The following CUX2 variants were observed in gnomAD, a reference collection of about 807,000 sequenced individuals.
The protein encoded by CUX2 is cut like homeobox 2.
A neutral mutation model predicts 144.8 loss-of-function variants in CUX2; 40 were observed. The ratio of observed to expected loss-of-function variants is 0.28; its 90% CI spans 0.21 to 0.36. The LOEUF (loss-of-function observed/expected upper bound fraction) is 0.36, where lower values mean the gene tolerates loss of function less well. CUX2 is among the 10% of genes least tolerant of loss of function. The probability of loss-of-function intolerance (pLI) is 1.00; values close to 1 mark genes in which losing one functional copy is unlikely to be tolerated. For synonymous variants in CUX2, 827 were observed against 875.6 expected, an observed-to-expected ratio of 0.94 and a Z score of 0.98; for missense variants, 1,615 against 1,994.0, an observed-to-expected ratio of 0.81 and a Z score of 3.62.
chr12:111,087,648 T>C (rs1872318120), intron 1 of CUX2, among the ~76,000 whole-genome samples: 1 of 152,182 alleles, frequency 6.6e-6, no homozygotes, highest in Admixed American at 6.5e-5. Flanking sequence ...GTTCAGTCAT[T>C]TTGTTTTGTA....
chr12:111,130,272 G>T (rs936160958), intron 1 of CUX2, among the ~76,000 whole-genome samples: 3 of 152,180 alleles, frequency 2.0e-5, no homozygotes, highest in African/African-American at 7.2e-5. Context: ...CTGTTTTTAT[G>T]ATTCAGGTTA....
rs118143962 is a variant in CUX2 at position 111,097,514 on chromosome 12, G to A, written c.63+63274G>A. 1.0e-3 allele frequency among the ~76,000 whole-genome samples: 153 copies of A among 152,240 alleles called. No homozygotes were observed. In the East Asian group the frequency reaches 0.019, roughly 19 times the overall value. On this transcript the variant is annotated intron_variant, in intron 1 of 21. Transcript: ENST00000261726. ...TTAGAGCAAGGCACCAGCAGCAGAG[G>A]GAGCCTAAAATGATATTAATCACAG... is the stretch of plus-strand genomic sequence containing the variant.
At chr12:111,200,587 C>T (rs779992403) in intron 1 of CUX2, among the ~76,000 whole-genome samples, 8 of 152,014 alleles carry the variant, frequency 5.3e-5, no homozygotes, top group Non-Finnish European at 8.8e-5. Flanking sequence ...GGCAGACTCT[C>T]GGGTAACCCT....
At chr12:111,212,535 A>G (rs10774614) in intron 1 of CUX2, among the ~76,000 whole-genome samples, 27,270 of 152,050 alleles carry the variant, frequency 0.18, 3,109 homozygotes, top group East Asian at 0.58. Context: ...ACTATAGGTA[A>G]TTGTTCTATT....
In CUX2 at chr12:111,287,749, C is replaced by T. The variant is rs1179123670; in HGVS notation, c.302-3669C>T. ...CACCTGCTTACCTCGGCATGGACGCCCATTGTCCAAGCCCCTGCCACCTAA... is the reference window on the plus strand; with the variant it reads ...CACCTGCTTACCTCGGCATGGACGCTCATTGTCCAAGCCCCTGCCACCTAA... On this transcript the variant is annotated intron_variant, in intron 4 of 21. Coordinates refer to ENST00000261726, the MANE Select transcript of CUX2 (RefSeq NM_015267.4). This position sits in a 1 kb window ranked among gnomAD's most constrained non-coding sequence, Gnocchi z 4.2. Among the ~76,000 whole-genome samples, 1 of 152,242 alleles carries T rather than the reference C, an allele frequency of 6.6e-6. No homozygotes were observed. Among genetic ancestry groups the T allele is most frequent in the Non-Finnish European group, 1.5e-5 (1 of 68,038 alleles).
chr12:111,130,039 T>C (rs1297662864), intron 1 of CUX2, among the ~76,000 whole-genome samples: 1 of 152,216 alleles, frequency 6.6e-6, no homozygotes, highest in Non-Finnish European at 1.5e-5. Context: ...CACTGTCCAG[T>C]AGTGACTGAA....
At chr12:111,102,545 A>G (rs565560091) in intron 1 of CUX2, among the ~76,000 whole-genome samples, 46 of 152,346 alleles carry the variant, frequency 3.0e-4, no homozygotes, top group African/African-American at 1.0e-3. Context: ...TGAAATACTC[A>G]GGCTCATTCA....
intron 21 of CUX2, among the ~76,000 whole-genome samples, 189 bp from the exon 22 acceptor site, chr12:111,347,335 G>A (rs1453649365): frequency 6.6e-6 from 1 of 152,222 alleles, no homozygotes; most frequent in Non-Finnish European, 1.5e-5. Flanking sequence ...TTCCTGTGAA[G>A]TGGAGATAAT....
Position 111,293,553 on chromosome 12 carries a change from G to A in CUX2, c.544G>A (p.Glu182Lys). The A allele has an allele frequency of 6.3e-7, 1 of 1,585,608 alleles. No homozygotes were observed. The highest frequency in any genetic ancestry group is 8.6e-7 in the Non-Finnish European group (1 of 1,167,658). ...GACAGAAACCTTGCTGCAGAGAAATGAGGCGGAAAAACAAAAGTGAGGAAG... is the reference window on the plus strand; with the variant it reads ...GACAGAAACCTTGCTGCAGAGAAATAAGGCGGAAAAACAAAAGTGAGGAAG... Reference protein sequence around the residue: ...LLTETLLQRNEAEKQKGLQEV... With the variant: ...LLTETLLQRNKAEKQKGLQEV... The change falls in exon 6 of 22, where the codon GAG becomes AAG. Residue 182 changes from glutamate to lysine, a missense_variant. Transcript: ENST00000261726. This position sits in a 1 kb window ranked among gnomAD's most constrained non-coding sequence, Gnocchi z 4.5.
intron 1 of CUX2, among the ~76,000 whole-genome samples, chr12:111,104,791 C>T (rs1236011917): frequency 6.6e-6 from 1 of 152,180 alleles, no homozygotes; most frequent in African/African-American, 2.4e-5. Context: ...GAGACACCTG[C>T]AAGTTCATGG....
intron 18 of CUX2, among the ~76,000 whole-genome samples, chr12:111,323,646 A>T (rs1393832368): frequency 1.3e-5 from 2 of 151,868 alleles, no homozygotes; most frequent in Non-Finnish European, 2.9e-5. Context: ...AAAAATAATC[A>T]GTTGGAATGG....
In CUX2 at chr12:111,243,418, GC is replaced by G. The variant is rs538942698; in HGVS notation, c.223-20340del. Among the ~76,000 whole-genome samples the G allele has an allele frequency of 2.3e-3, 339 of 150,108 alleles. 1 individual carries two copies. The highest frequency in any genetic ancestry group is 7.9e-3 in the African/African-American group (322 of 40,684). ...ATCAAATACCCAGTGTCCCTGGTTA[GC>G]CCTCCCATTTTTTGAAACAGATTTT... On this transcript the variant is annotated intron_variant, in intron 3 of 21. Coordinates refer to ENST00000261726, the MANE Select transcript of CUX2 (RefSeq NM_015267.4).
At chr12:111,244,798 G>A (rs1238249287) in intron 3 of CUX2, among the ~76,000 whole-genome samples, 2 of 152,024 alleles carry the variant, frequency 1.3e-5, no homozygotes, top group African/African-American at 4.8e-5. Context: ...TCTCCCCCAG[G>A]GTGTCAGGAA....
At chr12:111,185,096 G>A (rs534611048) in intron 1 of CUX2, among the ~76,000 whole-genome samples, 1 of 152,262 alleles carries the variant, frequency 6.6e-6, no homozygotes, top group Non-Finnish European at 1.5e-5. Context: ...ACAAGGTATG[G>A]GATATCCTCT....
intron 3 of CUX2, among the ~76,000 whole-genome samples, chr12:111,253,010 A>T (rs1257589060): frequency 6.6e-6 from 1 of 151,834 alleles, no homozygotes. Flanking sequence ...GTTCCCAAGG[A>T]GCAAATCCTG....
At chr12:111,129,696 G>A (rs184492657) in intron 1 of CUX2, among the ~76,000 whole-genome samples, 60 of 152,332 alleles carry the variant, frequency 3.9e-4, no homozygotes, top group Non-Finnish European at 7.2e-4. Context: ...ATCTCTGCCA[G>A]CCCTCTAGGA....
At chr12:111,278,433 C>T (rs1167862457) in intron 4 of CUX2, among the ~76,000 whole-genome samples, 2 of 152,050 alleles carry the variant, frequency 1.3e-5, no homozygotes, top group Admixed American at 1.3e-4. Flanking sequence ...AAAAGAACAA[C>T]AAAAAACACT....
rs377024868 is a variant in CUX2 at position 111,310,288 on chromosome 12, C to A, written c.1506C>A (p.Gly502=). ...MPPAAFKGEA[G]GLLVFPPAFY... ...CAGCCGCCTTCAAGGGAGAGGCGGG[C>A]GGCCTGCTGGTGTTCCCCCCAGCCT... Residue 502 remains glycine, a synonymous_variant, in exon 15 of 22, where the codon GGC becomes GGA. Transcript: ENST00000261726. The surrounding 1 kb of genome is among the most constrained non-coding windows in gnomAD (Gnocchi z 7.9). The A allele has an allele frequency of 1.3e-4, 192 of 1,490,410 alleles. No individual in the cohort carries two copies. The highest frequency in any genetic ancestry group is 1.7e-4 in the Non-Finnish European group (189 of 1,117,090). The allele number at this position is 1,490,410 out of a possible 1,614,324, so 92.3% of individuals were successfully genotyped here.
chr12:111,289,956 A>G lies in CUX2; in HGVS notation c.302-1462A>G, dbSNP rs1047751367. Reference sequence around the variant, plus strand: ...TGGCCGAGGCCATGGGGGAGTCATCACTCCAAAGTCAGTCCTCAGAGCAGT... The same window carrying G: ...TGGCCGAGGCCATGGGGGAGTCATCGCTCCAAAGTCAGTCCTCAGAGCAGT... On this transcript the variant is annotated intron_variant, in intron 4 of 21. Transcript: ENST00000261726. This position sits in a 1 kb window ranked among gnomAD's most constrained non-coding sequence, Gnocchi z 4.1. Among the ~76,000 whole-genome samples the G allele has an allele frequency of 2.0e-5, 3 of 152,092 alleles. No individual in the cohort carries two copies. Among genetic ancestry groups the G allele is most frequent in the Non-Finnish European group, 4.4e-5 (3 of 68,020 alleles).
Sources: gnomAD v4.1 joint callset for allele counts (sites outside exome capture counted in the v4.1 genomes callset) on GRCh38, gnomAD v4.1.1 for gene constraint, Gnocchi (gnomAD v3.1) non-coding constraint, MANE v1.5 for transcripts, NCBI Gene and HGNC (gene_info 2026-07-23, HGNC 2026-07-21) for gene names.